Variants in ANGPT1 observed in about 807,000 individuals in gnomAD.
ANGPT1 encodes angiopoietin 1, also known as angiopoietin-1.
A neutral mutation model predicts 62.2 loss-of-function variants in ANGPT1; 17 were observed. That is an observed-to-expected ratio of 0.27 (90% CI 0.19 to 0.41). The LOEUF is 0.41. Among genes scored for constraint, ANGPT1 ranks in the 10% least tolerant of loss-of-function variants. The pLI is 1.00. For missense variants in ANGPT1, 478 were observed against 594.9 expected (o/e 0.80, Z 2.04); for synonymous variants, 199 against 198.9 (o/e 1.00, Z 0.00).
intron 1 of ANGPT1, among the ~76,000 whole-genome samples, chr8:107,408,646 G>A (rs527334754): frequency 2.3e-4 from 35 of 152,108 alleles, no homozygotes; most frequent in Non-Finnish European, 4.4e-4. Context: ...GCAAATAAAG[G>A]AACTCTTATC....
At chr8:107,438,887 C>T (rs1419948437) in intron 1 of ANGPT1, among the ~76,000 whole-genome samples, 1 of 151,856 alleles carries the variant, frequency 6.6e-6, no homozygotes, top group Non-Finnish European at 1.5e-5. Context: ...TACATAAAAC[C>T]ATATGTTATT....
intron 1 of ANGPT1, among the ~76,000 whole-genome samples, chr8:107,442,545 C>A (rs1053557624): frequency 2.0e-5 from 3 of 152,016 alleles, no homozygotes; most frequent in African/African-American, 7.3e-5. Flanking sequence ...AAAATATTGT[C>A]CAAAAGTGTG....
At position 107,321,916 on chromosome 8, in the gene ANGPT1, T is replaced by C. The variant is rs1340442460; in HGVS notation, c.788A>G (p.Asn263Ser). 5 of 1,613,698 alleles carry C rather than the reference T, an allele frequency of 3.1e-6. No individual in the cohort carries two copies. Among genetic ancestry groups the C allele is most frequent in the African/African-American group, 1.3e-5 (1 of 74,932 alleles). ...CTTACCACCTTCTTTAGTGCAAAGATTGACAAGGTTGTGGACTGTGTCCAT... is the reference window on the plus strand; with the variant it reads ...CTTACCACCTTCTTTAGTGCAAAGACTGACAAGGTTGTGGACTGTGTCCAT... ...ELMDTVHNLV[N>S]LCTKEGVLLK... Residue 263 changes from asparagine (N) to serine (S), a missense_variant, in exon 4 of 9, where the codon AAT (asparagine) becomes AGT (serine). This residue lies in a region of ANGPT1 where 343 missense variants were observed against 355.4 expected (regional missense o/e 0.97). Coordinates refer to ENST00000517746, the MANE Select transcript of ANGPT1 (RefSeq NM_001146.5).
At chr8:107,353,378 G>A (rs549538854) in intron 1 of ANGPT1, among the ~76,000 whole-genome samples, 1 of 152,148 alleles carries the variant, frequency 6.6e-6, no homozygotes, top group Non-Finnish European at 1.5e-5. Context: ...ACTAGGCTGA[G>A]CCAACAACAA....
chr8:107,317,029 A>C (rs573859313), intron 4 of ANGPT1, among the ~76,000 whole-genome samples: 2 of 152,360 alleles, frequency 1.3e-5, no homozygotes, highest in South Asian at 4.1e-4. Flanking sequence ...ATAAGGATTC[A>C]GTAAAATCCC....
rs186462878 is a variant in ANGPT1 at position 107,386,794 on chromosome 8, A to G, written c.298-39697T>C. Among the ~76,000 whole-genome samples the G allele has an allele frequency of 2.6e-5, 4 of 152,254 alleles. No homozygotes were observed. The East Asian group carries it at 7.7e-4, about 29-fold the overall frequency. ...GTTAGCTATTATTATACACTAACAC[A>G]GTCTCGAAGTCAGTAACTAGTTAAT... On this transcript the variant is annotated intron_variant, in intron 1 of 8. Transcript: ENST00000517746.
At chr8:107,480,309 C>T (rs1203890727) in intron 1 of ANGPT1, among the ~76,000 whole-genome samples, 1 of 152,052 alleles carries the variant, frequency 6.6e-6, no homozygotes, top group African/African-American at 2.4e-5. Flanking sequence ...TAGTTTGAGG[C>T]ACTAAGAAGA....
chr8:107,446,164 G>C (rs1020241771), intron 1 of ANGPT1, among the ~76,000 whole-genome samples: 1 of 152,166 alleles, frequency 6.6e-6, no homozygotes, highest in Non-Finnish European at 1.5e-5. Flanking sequence ...TGATCTGCCC[G>C]CCTTGGCTTC....
chr8:107,261,472 G>A (rs564823970), intron 8 of ANGPT1, among the ~76,000 whole-genome samples: 54 of 152,134 alleles, frequency 3.5e-4, no homozygotes, highest in African/African-American at 1.2e-3. Context: ...TTGGGAGGCC[G>A]AGGCGGTCGG....
At chr8:107,402,469 A>G (rs1817065642) in intron 1 of ANGPT1, among the ~76,000 whole-genome samples, 1 of 152,230 alleles carries the variant, frequency 6.6e-6, no homozygotes, top group Admixed American at 6.5e-5. Context: ...AATACATATC[A>G]GTTACTAAGA....
chr8:107,439,684 C>T, intron 1 of ANGPT1, among the ~76,000 whole-genome samples: 1 of 152,196 alleles, frequency 6.6e-6, no homozygotes, highest in Non-Finnish European at 1.5e-5. Context: ...CCTCAAGGCA[C>T]ATACCAGCTG....
chr8:107,310,575 G>A (rs1814825419), intron 4 of ANGPT1, among the ~76,000 whole-genome samples: 1 of 152,106 alleles, frequency 6.6e-6, no homozygotes, highest in South Asian at 2.1e-4. Flanking sequence ...GAGAGAGGAG[G>A]CAGCAATGAT....
At chr8:107,354,955 G>C (rs2130184822) in intron 1 of ANGPT1, among the ~76,000 whole-genome samples, 1 of 148,942 alleles carries the variant, frequency 6.7e-6, no homozygotes, top group Non-Finnish European at 1.5e-5. Context: ...CTGTCACCCA[G>C]GCTGGAGTGC....
intron 8 of ANGPT1, among the ~76,000 whole-genome samples, chr8:107,254,982 T>TA (rs1004731317): frequency 1.6e-4 from 23 of 144,880 alleles, no homozygotes; most frequent in South Asian, 2.2e-4. Context: ...TGTGACAGCT[T>TA]AAAAAAAAAA....
intron 7 of ANGPT1, among the ~76,000 whole-genome samples, chr8:107,268,996 G>A (rs1450698967): frequency 6.6e-6 from 1 of 151,972 alleles, no homozygotes; most frequent in Non-Finnish European, 1.5e-5. Flanking sequence ...GCTCTTCTAA[G>A]GAAGAGACAC....
At chr8:107,362,546 C>A (rs943383393) in intron 1 of ANGPT1, among the ~76,000 whole-genome samples, 1 of 152,058 alleles carries the variant, frequency 6.6e-6, no homozygotes, top group African/African-American at 2.4e-5. Flanking sequence ...TAATTCATAG[C>A]TTTAATATTA....
chr8:107,420,520 C>A (rs375815159), intron 1 of ANGPT1, among the ~76,000 whole-genome samples: 13 of 152,154 alleles, frequency 8.5e-5, no homozygotes, highest in Non-Finnish European at 1.8e-4. Context: ...ATTTACTTTA[C>A]TTTTCCATCA....
Position 107,336,284 on chromosome 8 carries a change from G to A in ANGPT1, c.454-13C>T, listed in dbSNP as rs200467236. On this transcript the variant is annotated splice_polypyrimidine_tract_variant and intron_variant, in intron 2 of 8. Coordinates refer to ENST00000517746, the MANE Select transcript of ANGPT1 (RefSeq NM_001146.5). ...TTTGATTTAGTACCTTAAGATAAAA[G>A]ATGAAAATATTTCAAACTTCAGTCA... 85 of 1,571,284 alleles carry A rather than the reference G, an allele frequency of 5.4e-5. No homozygotes were observed. The highest frequency in any genetic ancestry group is 6.9e-5 in the Non-Finnish European group (81 of 1,166,852).
intron 4 of ANGPT1, among the ~76,000 whole-genome samples, chr8:107,310,854 G>T (rs779149204): frequency 7.9e-5 from 12 of 152,102 alleles, no homozygotes; most frequent in Non-Finnish European, 1.5e-5. Flanking sequence ...CGGACTATTT[G>T]CTAGAAGCTT....
Sources: allele counts gnomAD v4.1 joint callset (sites outside exome capture counted in the v4.1 genomes callset), GRCh38; gene constraint gnomAD v4.1.1; regional missense constraint gnomAD v4.1.1; transcripts MANE v1.5; gene names NCBI Gene and HGNC (gene_info 2026-07-23, HGNC 2026-07-21).